UCKL1: variants seen among roughly 807,000 people sequenced by gnomAD.
UCKL1 encodes uridine-cytidine kinase 1 like 1.
In UCKL1, 65 loss-of-function variants were observed where a neutral mutation model predicts 59.2. The observed-to-expected ratio is 1.10, with a 90% CI of 0.90 to 1.35. The LOEUF is 1.35. Ranked by LOEUF, UCKL1 falls within the 40% of genes most tolerant of loss-of-function variation. The pLI is 0.00. For synonymous variants in UCKL1, 410 were observed against 323.1 expected, an observed-to-expected ratio of 1.27 and a Z score of -2.88; for missense variants, 703 against 784.3, an observed-to-expected ratio of 0.90 and a Z score of 1.24.
At chr20:63,944,770 C>G in intron 5 of UCKL1, 36 bp from the exon 6 acceptor site, 1 of 1,606,770 alleles carries the variant, frequency 6.2e-7, no homozygotes. Context: ...TGGCCAGATG[C>G]CAGCAGTGGG....
intron 8 of UCKL1, 92 bp from the exon 9 acceptor site, chr20:63,941,300 A>C: frequency 3.5e-6 from 5 of 1,449,034 alleles, no homozygotes; most frequent in South Asian, 1.4e-5. Flanking sequence ...CTGTGAGGGG[A>C]ACACACGGGC....
intron 8 of UCKL1, chr20:63,942,354 A>G: frequency 2.6e-6 from 3 of 1,137,520 alleles, no homozygotes; most frequent in Non-Finnish European, 3.3e-6. Flanking sequence ...AAGAGGCGTG[A>G]CAGCGGCAGG....
chr20:63,942,627 G>A, intron 8 of UCKL1: 1 of 577,134 alleles, frequency 1.7e-6, no homozygotes, highest in Non-Finnish European at 3.0e-6. Flanking sequence ...GAGGAGTGTG[G>A]GCGGTCAGGC....
rs2054184106 is a variant in UCKL1, at chr20:63,940,859, G to A, written c.1117-3C>T. ...TGCGGGGTCTGTACGACGCAGTCCT[G>A]TGGGGTGCAGGGTGAGGACTCCGGT... On this transcript the variant is annotated splice_polypyrimidine_tract_variant and splice_region_variant and intron_variant, in intron 10 of 14. Transcript: ENST00000354216. The A allele has an allele frequency of 2.6e-6, 4 of 1,538,488 alleles. No individual in the cohort carries two copies. Among genetic ancestry groups the A allele is most frequent in the Non-Finnish European group, 3.5e-6 (4 of 1,141,778 alleles).
chr20:63,940,761 C>T (rs2054152418), intron 11 of UCKL1, 33 bp downstream of exon 11: 2 of 1,604,106 alleles, frequency 1.2e-6, no homozygotes, highest in African/African-American at 1.3e-5. Context: ...CCCCAGCAGC[C>T]TGTCCCGCGC....
intron 5 of UCKL1, 112 bp from the exon 6 acceptor site, chr20:63,944,846 T>G: frequency 7.6e-7 from 1 of 1,320,810 alleles, no homozygotes; most frequent in Non-Finnish European, 1.0e-6. Flanking sequence ...CCAGAGCCAC[T>G]TCCCCAGGGC....
rs761010214 is a variant in UCKL1 at position 63,940,952 on chromosome 20, G to A, written c.1114C>T (p.Gln372Ter). 6.6e-7 allele frequency: 1 copy of A among 1,520,846 alleles called. No homozygotes were observed. Among genetic ancestry groups the A allele is most frequent in the East Asian group, 2.3e-5 (1 of 43,914 alleles). The allele number at this position is 1,520,846 out of a possible 1,614,324, so 94.2% of individuals were successfully genotyped here. The change falls in exon 10 of 15, where the codon CAG (glutamine) becomes TAG (stop). Residue 372 changes from glutamine (Q) to a stop codon, truncating the protein, a stop_gained and splice_region_variant. Transcript: ENST00000354216. LOFTEE classifies it high-confidence loss of function. ...CTCGCGGGCTACGGGCTACGAACCT[G>A]AAAGGGCAGGAAGGAGAGCGCGTGC... Reference protein sequence around the residue: ...IEHALSFLPFQDCVVQTPQGQ... With the variant: ...IEHALSFLPF
Position 63,956,357 on chromosome 20 carries a change from C to T in UCKL1, c.16G>A (p.Ala6Thr), listed in dbSNP as rs367628856. 10 of 1,531,648 alleles carry T rather than the reference C, an allele frequency of 6.5e-6. No homozygotes were observed. Among genetic ancestry groups the T allele is most frequent in the Non-Finnish European group, 8.8e-6 (10 of 1,141,798 alleles). The allele number at this position is 1,531,648 out of a possible 1,614,324, so 94.9% of individuals were successfully genotyped here. The change falls in exon 1 of 15, where the codon GCC becomes ACC. Residue 6 changes from alanine to threonine, a missense_variant. Ala to Thr is a moderately conservative substitution (Grantham distance 58). Around this residue, in one of 4 missense-constraint regions of UCKL1, gnomAD observed 398 missense variants for 373.0 expected, o/e 1.07. Coordinates refer to ENST00000354216, the MANE Select transcript of UCKL1 (RefSeq NM_017859.4). Reference sequence around the variant, plus strand: ...GGCGAAGGATCAGCGTCCGCGCGGGCCGGGGGCGCAGCCATGGCGCTCGGA... The same window carrying T: ...GGCGAAGGATCAGCGTCCGCGCGGGTCGGGGGCGCAGCCATGGCGCTCGGA... MAAPP[A>T]RADADPSPTS...
intron 1 of UCKL1, among the ~76,000 whole-genome samples, chr20:63,950,477 C>T (rs570783876): frequency 2.1e-4 from 32 of 152,316 alleles, no homozygotes; most frequent in Non-Finnish European, 3.8e-4. Flanking sequence ...AACCTCACTT[C>T]CTGTGCACAG....
chr20:63,948,580 T>TGTGTGAGGGAGGGGCGTGTGC (rs2056917987), intron 1 of UCKL1: 1 of 12,592 alleles, frequency 7.9e-5, no homozygotes, highest in African/African-American at 2.8e-4. Flanking sequence ...AGGGAGGGGA[T>TGTGTGAGGGAGGGGCGTGTGC]GTGTGTGAGA....
chr20:63,950,561 A>G (rs1419510287), intron 1 of UCKL1, among the ~76,000 whole-genome samples: 1 of 152,228 alleles, frequency 6.6e-6, no homozygotes, highest in Non-Finnish European at 1.5e-5. Flanking sequence ...CGTAACCAAC[A>G]CAAGAGAGAC....
chr20:63,940,075 G>GT lies in UCKL1; in HGVS notation c.1568-21_1568-20insA. 1 of 1,562,990 alleles carries GT rather than the reference G, an allele frequency of 6.4e-7. No homozygotes were observed. Among genetic ancestry groups the GT allele is most frequent in the South Asian group, 1.1e-5 (1 of 89,382 alleles). ...AGTTCCCTGGAAAAAGGGGGGGGGG[G>GT]GTCCAGTGTGGTGGGGCCTCCCAGG... On this transcript the variant is annotated intron_variant, in intron 14 of 14. Coordinates refer to ENST00000354216, the MANE Select transcript of UCKL1 (RefSeq NM_017859.4).
In UCKL1 at chr20:63,940,663, G is replaced by A. The variant is rs776675310; in HGVS notation, c.1233C>T (p.Arg411=). The part of the protein sequence containing the change: ...RAGETMEPAL[R]AVCKDVRIGT... Reference sequence around the variant, plus strand: ...CGATGCGCACGTCTTTGCACACAGCGCGCAGCGCGGGCTCCATGGTTTCAC... The same window carrying A: ...CGATGCGCACGTCTTTGCACACAGCACGCAGCGCGGGCTCCATGGTTTCAC... Residue 411 remains arginine, a synonymous_variant, in exon 12 of 15, where the codon CGC becomes CGT. Coordinates refer to ENST00000354216, the MANE Select transcript of UCKL1 (RefSeq NM_017859.4). 1.1e-5 allele frequency: 18 copies of A among 1,608,824 alleles called. No homozygotes were observed. In the South Asian group the frequency reaches 1.8e-4, roughly 16 times the overall value.
At chr20:63,950,923 C>A (rs2146693542) in intron 1 of UCKL1, 2 of 1,388,898 alleles carry the variant, frequency 1.4e-6, no homozygotes, top group East Asian at 5.7e-5. Context: ...GACATCACCA[C>A]CTCAGACCCA....
At chr20:63,942,928 G>A (rs2055036744) in intron 8 of UCKL1, among the ~76,000 whole-genome samples, 1 of 152,166 alleles carries the variant, frequency 6.6e-6, no homozygotes, top group Non-Finnish European at 1.5e-5. Flanking sequence ...GACGGGCCCT[G>A]GAGGCATTTC....
rs1271462095 is a variant in UCKL1, at chr20:63,940,597, G to A, written c.1299C>T (p.Pro433=). 1.9e-6 allele frequency: 3 copies of A among 1,608,062 alleles called. No individual in the cohort carries two copies. In the South Asian group the frequency reaches 3.3e-5, roughly 18 times the overall value. Residue 433 remains proline (P), a synonymous_variant, in exon 12 of 15, where the codon CCC becomes CCT. Coordinates refer to ENST00000354216, the MANE Select transcript of UCKL1 (RefSeq NM_017859.4). ...LIQTNQLTGE[P]ELHYLRLPKD... is the part of the protein sequence containing the mutation. ...CACCCCGGCTGCCCCCAGGCACCTC[G>A]GGCTCCCCGGTAAGCTGGTTGGTCT...
chr20:63,950,077 C>T lies in UCKL1; in HGVS notation c.114-3434G>A, dbSNP rs575793560. Among the ~76,000 whole-genome samples the T allele has an allele frequency of 3.3e-5, 5 of 152,352 alleles. No individual in the cohort carries two copies. The East Asian group carries it at 5.8e-4, about 18-fold the overall frequency. ...GAGGCACACGCTGCTGACAGCCAGG[C>T]GCTGGCCCTTCTGCTGGGAGTGGTG... is the stretch of plus-strand genomic sequence containing the variant. On this transcript the variant is annotated intron_variant, in intron 1 of 14. Transcript: ENST00000354216.
chr20:63,956,299 C>T lies in UCKL1; in HGVS notation c.74G>A (p.Gly25Asp). ...GGTCTCGCTTTTCTCAGCCTGCCGG[C>T]CTGGTGTGTCTCGGGCCGTAGGTGG... Reference protein sequence around the residue: ...TSPPTARDTPGRQAEKSETAC... With the variant: ...TSPPTARDTPDRQAEKSETAC... Residue 25 changes from glycine (G) to aspartate (D), a missense_variant, in exon 1 of 15, where the codon GGC (glycine) becomes GAC (aspartate). By Grantham distance (94) the Gly-to-Asp change is moderately conservative. Coordinates refer to ENST00000354216, the MANE Select transcript of UCKL1 (RefSeq NM_017859.4). 6.4e-7 allele frequency: 1 copy of T among 1,563,200 alleles called. No homozygotes were observed. The highest frequency in any genetic ancestry group is 8.6e-7 in the Non-Finnish European group (1 of 1,159,080).
intron 8 of UCKL1, 87 bp from the exon 9 acceptor site, chr20:63,941,295 AG>A (rs2054320022): frequency 6.9e-7 from 1 of 1,454,120 alleles, no homozygotes; most frequent in Non-Finnish European, 9.1e-7. Context: ...CGTCACTGTG[AG>A]GGGAACACAC....
Sources: gnomAD v4.1 joint callset for allele counts (sites outside exome capture counted in the v4.1 genomes callset) on GRCh38, gnomAD v4.1.1 for gene constraint, gnomAD v4.1.1 regional missense constraint, MANE v1.5 for transcripts, NCBI Gene and HGNC (gene_info 2026-07-23, HGNC 2026-07-21) for gene names.